LEKR1: variants seen among roughly 807,000 people sequenced by gnomAD.
LEKR1 encodes protein LEKR1.
Under a neutral mutation model 72.4 loss-of-function variants are expected in LEKR1, and 59 were observed. The ratio of observed to expected loss-of-function variants is 0.82; its 90% confidence interval spans 0.66 to 1.01. The LOEUF is 1.01. Ranked by LOEUF, LEKR1 falls within the 50% of genes least tolerant of loss-of-function variation. The probability of loss-of-function intolerance (pLI) is 0.00; values close to 1 mark genes in which losing one functional copy is unlikely to be tolerated. For missense variants in LEKR1, 728 were observed against 759.2 expected (o/e 0.96, Z 0.48); for synonymous variants, 257 against 263.2 (o/e 0.98, Z 0.23).
At chr3:156,899,725 CAT>C in intron 3 of LEKR1, among the ~76,000 whole-genome samples, 1 of 140,976 alleles carries the variant, frequency 7.1e-6, no homozygotes, top group East Asian at 2.1e-4. Context: ...TATATACATG[CAT>C]ATATACACAT....
chr3:156,929,174 T>A (rs1474910152), intron 5 of LEKR1, among the ~76,000 whole-genome samples: 3 of 151,798 alleles, frequency 2.0e-5, no homozygotes, highest in African/African-American at 4.8e-5. Flanking sequence ...TTTTTTTTTT[T>A]AAAGTCAAGA....
At chr3:156,906,911 G>A (rs934907804) in intron 3 of LEKR1, among the ~76,000 whole-genome samples, 1 of 152,072 alleles carries the variant, frequency 6.6e-6, no homozygotes, top group African/African-American at 2.4e-5. Context: ...ATTCTTTTCT[G>A]AGTGAATGTT....
intron 3 of LEKR1, among the ~76,000 whole-genome samples, chr3:156,903,302 A>G (rs1264339083): frequency 6.6e-6 from 1 of 151,910 alleles, no homozygotes; most frequent in Non-Finnish European, 1.5e-5. Context: ...TTTAATTTCC[A>G]TTTCTCTGAC....
intron 6 of LEKR1, among the ~76,000 whole-genome samples, chr3:156,976,993 G>T (rs1164470509): frequency 6.6e-6 from 1 of 152,188 alleles, no homozygotes; most frequent in African/African-American, 2.4e-5. Context: ...TGGAGCCAGT[G>T]GACCTCACAG....
At chr3:157,030,075 C>T (rs770366186) in intron 12 of LEKR1, among the ~76,000 whole-genome samples, 9 of 152,026 alleles carry the variant, frequency 5.9e-5, no homozygotes, top group African/African-American at 1.4e-4. Context: ...ATAGTTCTGG[C>T]GAGGACCTTA....
intron 3 of LEKR1, among the ~76,000 whole-genome samples, chr3:156,867,025 G>C (rs1200456759): frequency 6.6e-6 from 1 of 152,070 alleles, no homozygotes; most frequent in African/African-American, 2.4e-5. Context: ...TAAGAGAGAA[G>C]CCTCTGGACT....
chr3:157,032,996 A>T (rs1270632398), intron 12 of LEKR1, among the ~76,000 whole-genome samples: 1 of 152,132 alleles, frequency 6.6e-6, no homozygotes, highest in Non-Finnish European at 1.5e-5. Flanking sequence ...GTGATCTTTG[A>T]TGTTACTATT....
chr3:156,832,891 T>C (rs1044077422), intron 2 of LEKR1, among the ~76,000 whole-genome samples: 2 of 152,176 alleles, frequency 1.3e-5, no homozygotes, highest in Admixed American at 1.3e-4. Flanking sequence ...GTGTCTCCAG[T>C]TGTGTCCTGT....
intron 11 of LEKR1, among the ~76,000 whole-genome samples, chr3:157,027,736 C>A (rs1275872746): frequency 6.6e-6 from 1 of 151,978 alleles, no homozygotes; most frequent in Non-Finnish European, 1.5e-5. Context: ...ATCGTTTGAG[C>A]GCAGGAGGTC....
intron 10 of LEKR1, among the ~76,000 whole-genome samples, chr3:157,022,427 C>A (rs1411861314): frequency 6.6e-6 from 1 of 152,034 alleles, no homozygotes; most frequent in Non-Finnish European, 1.5e-5. Flanking sequence ...ACTAGGTGAT[C>A]AGGAAGTGCT....
At chr3:156,936,963 T>C (rs1725771277) in intron 5 of LEKR1, among the ~76,000 whole-genome samples, 1 of 152,154 alleles carries the variant, frequency 6.6e-6, no homozygotes, top group East Asian at 1.9e-4. Context: ...GGAAAATTGA[T>C]AACTTGGATC....
intron 3 of LEKR1, among the ~76,000 whole-genome samples, chr3:156,914,796 C>T (rs75628901): frequency 0.02 from 2,989 of 151,870 alleles, 105 homozygotes; most frequent in African/African-American, 0.067. Context: ...TTTAAAATTA[C>T]GCTTTTATTT....
intron 10 of LEKR1, among the ~76,000 whole-genome samples, chr3:157,021,516 C>T (rs1042560658): frequency 6.6e-6 from 1 of 152,108 alleles, no homozygotes; most frequent in African/African-American, 2.4e-5. Flanking sequence ...ACCTAATCTC[C>T]ATAATAATTT....
intron 6 of LEKR1, among the ~76,000 whole-genome samples, chr3:156,965,985 A>C (rs563446025): frequency 5.3e-5 from 8 of 152,334 alleles, no homozygotes; most frequent in African/African-American, 1.9e-4. Context: ...ATATGTATAA[A>C]TTATATCTAA....
At chr3:156,967,459 C>T (rs559700533) in intron 6 of LEKR1, among the ~76,000 whole-genome samples, 6 of 152,084 alleles carry the variant, frequency 3.9e-5, no homozygotes, top group Non-Finnish European at 5.9e-5. Flanking sequence ...AATCAAGGCA[C>T]GAGAACTATG....
intron 12 of LEKR1, among the ~76,000 whole-genome samples, chr3:157,034,600 TG>T (rs1254889656): frequency 4.6e-5 from 7 of 152,192 alleles, no homozygotes; most frequent in Non-Finnish European, 1.0e-4. Context: ...GTGAAGATGC[TG>T]CAAAAAATAT....
chr3:156,897,839 GT>G (rs1379807050), intron 3 of LEKR1, among the ~76,000 whole-genome samples: 1 of 151,934 alleles, frequency 6.6e-6, no homozygotes, highest in African/African-American at 2.4e-5. Flanking sequence ...TGTAATTCCA[GT>G]TACTCGGGAG....
At chr3:156,889,976 G>A (rs974135325) in intron 3 of LEKR1, among the ~76,000 whole-genome samples, 2 of 152,084 alleles carry the variant, frequency 1.3e-5, no homozygotes, top group African/African-American at 4.8e-5. Context: ...TTGTTTTGTC[G>A]CCTTGTTTGT....
chr3:157,032,178 C>G (rs1734664260), intron 12 of LEKR1, among the ~76,000 whole-genome samples: 1 of 152,088 alleles, frequency 6.6e-6, no homozygotes. Flanking sequence ...TGCCCATTTT[C>G]CTTCCTACTG....
Sources: allele counts gnomAD v4.1 joint callset (sites outside exome capture counted in the v4.1 genomes callset), GRCh38; gene constraint gnomAD v4.1.1; transcripts MANE v1.5; gene names NCBI Gene and HGNC (gene_info 2026-07-23, HGNC 2026-07-21).